ASH1L: variants seen among roughly 807,000 people sequenced by gnomAD.
ASH1L encodes histone-lysine N-methyltransferase ASH1L.
ASH1L carries 23 observed loss-of-function variants against 269.0 expected under a neutral mutation model. The ratio of observed to expected loss-of-function variants is 0.09; its 90% CI spans 0.06 to 0.12. ASH1L has a LOEUF of 0.12. Ranked by LOEUF, ASH1L falls within the 10% of genes least tolerant of loss-of-function variation. ASH1L has a pLI of 1.00. For synonymous variants in ASH1L, 1,187 were observed against 1,253.5 expected (o/e 0.95, Z 1.12); for missense variants, 2,912 against 3,567.8 (o/e 0.82, Z 4.68).
At position 155,547,346 on chromosome 1, in the gene ASH1L, T is replaced by C. The variant is rs572582696; in HGVS notation, c.-100+14807A>G. Among the ~76,000 whole-genome samples, 16 of 151,878 alleles carry C rather than the reference T, an allele frequency of 1.1e-4. No individual in the cohort carries two copies. The East Asian group carries it at 2.7e-3, about 26-fold the overall frequency. The stretch of plus-strand genomic sequence containing the variant: ...GTGTTTCTGTTTACTGCAGCACTAT[T>C]TACAATAGCGAAGACATGGAACCAA... On this transcript the variant is annotated intron_variant, in intron 1 of 27. Coordinates refer to ENST00000392403, the MANE Select transcript of ASH1L (RefSeq NM_018489.3).
At chr1:155,431,069 G>A (rs1054668583) in intron 5 of ASH1L, among the ~76,000 whole-genome samples, 29 of 151,938 alleles carry the variant, frequency 1.9e-4, no homozygotes, top group South Asian at 8.3e-4. Flanking sequence ...AAAATTAGCC[G>A]GGCATGGTGG....
chr1:155,533,711 C>T (rs1421685025), intron 1 of ASH1L, among the ~76,000 whole-genome samples: 2 of 148,590 alleles, frequency 1.3e-5, no homozygotes, highest in Non-Finnish European at 3.0e-5. Flanking sequence ...GAGCGAGACT[C>T]CGTCTCAAAA....
At chr1:155,516,845 A>T (rs571013277) in intron 2 of ASH1L, among the ~76,000 whole-genome samples, 2 of 152,290 alleles carry the variant, frequency 1.3e-5, no homozygotes, top group African/African-American at 4.8e-5. Context: ...AATTTAAAAC[A>T]ATTCTGGTTG....
At chr1:155,497,905 A>C (rs1002700551) in intron 2 of ASH1L, among the ~76,000 whole-genome samples, 4 of 152,132 alleles carry the variant, frequency 2.6e-5, no homozygotes, top group African/African-American at 9.6e-5. Flanking sequence ...GCCTGCCACC[A>C]GGCATGGCTA....
intron 1 of ASH1L, among the ~76,000 whole-genome samples, chr1:155,556,871 T>C (rs72995199): frequency 1.6e-3 from 244 of 152,170 alleles, no homozygotes; most frequent in African/African-American, 5.7e-3. Context: ...TGAGACTCCA[T>C]CGCTACAAAA....
At chr1:155,545,100 A>T (rs1044084573) in intron 1 of ASH1L, among the ~76,000 whole-genome samples, 3 of 134,056 alleles carry the variant, frequency 2.2e-5, no homozygotes, top group African/African-American at 5.5e-5. Context: ...TGAACCCGGG[A>T]GGCAGAGGTT....
intron 2 of ASH1L, among the ~76,000 whole-genome samples, chr1:155,507,110 C>T (rs1667864723): frequency 6.6e-6 from 1 of 151,992 alleles, no homozygotes; most frequent in Admixed American, 6.6e-5. Context: ...TGGAGAAACC[C>T]TGTCTATTAA....
intron 1 of ASH1L, among the ~76,000 whole-genome samples, chr1:155,551,067 C>T (rs891053363): frequency 2.6e-5 from 4 of 152,102 alleles, no homozygotes; most frequent in Admixed American, 1.3e-4. Flanking sequence ...GCAATCCCCC[C>T]ACCTCAGCCT....
chr1:155,434,043 C>A, intron 5 of ASH1L: 1 of 1,591,442 alleles, frequency 6.3e-7, no homozygotes. Flanking sequence ...GGCAAGCAAT[C>A]AAGCAGCGAC....
Position 155,357,403 on chromosome 1 carries a change from T to G in ASH1L, c.6968A>C (p.His2323Pro). ...SKHKLKKRRG[H>P]LSEEPSENIN... The stretch of plus-strand genomic sequence containing the variant: ...ATTTTCACTGGGTTCCTCAGAGAGA[T>G]GGCCTCTCTGAAAAAGAGATGGATC... The change falls in exon 15 of 28, where the codon CAT (histidine) becomes CCT (proline). Residue 2323 changes from histidine (H) to proline (P), a missense_variant. His to Pro is a moderately conservative substitution (Grantham distance 77, BLOSUM62 -2). Around this residue, in one of 13 missense-constraint regions of ASH1L, gnomAD observed 309 missense variants for 435.1 expected, o/e 0.71. Coordinates refer to ENST00000392403, the MANE Select transcript of ASH1L (RefSeq NM_018489.3). 6.2e-7 allele frequency: 1 copy of G among 1,611,534 alleles called. No individual in the cohort carries two copies. The highest frequency in any genetic ancestry group is 2.2e-5 in the East Asian group (1 of 44,876).
intron 6 of ASH1L, among the ~76,000 whole-genome samples, chr1:155,401,477 C>CA (rs545010671): frequency 0.041 from 2,674 of 65,622 alleles, 39 homozygotes; most frequent in Non-Finnish European, 0.052. Context: ...GACTCCATCT[C>CA]AAAAAAAAAA....
At chr1:155,548,530 AG>A (rs1241920695) in intron 1 of ASH1L, among the ~76,000 whole-genome samples, 1 of 152,226 alleles carries the variant, frequency 6.6e-6, no homozygotes, top group East Asian at 1.9e-4. Context: ...ATCAAACAAA[AG>A]AGAGATAAAA....
intron 5 of ASH1L, among the ~76,000 whole-genome samples, chr1:155,428,940 C>G (rs1260206012): frequency 6.6e-6 from 1 of 152,128 alleles, no homozygotes; most frequent in Non-Finnish European, 1.5e-5. Context: ...CTCTATATTT[C>G]TGTGTGTGTG....
chr1:155,375,349 T>C (rs1656343353), intron 10 of ASH1L, among the ~76,000 whole-genome samples: 1 of 152,212 alleles, frequency 6.6e-6, no homozygotes, highest in African/African-American at 2.4e-5. Flanking sequence ...TTAAATTATA[T>C]AAAACCAAAA....
At chr1:155,511,619 C>T (rs1668165940) in intron 2 of ASH1L, among the ~76,000 whole-genome samples, 1 of 152,080 alleles carries the variant, frequency 6.6e-6, no homozygotes, top group South Asian at 2.1e-4. Context: ...GATTCTCCTG[C>T]CTCAGCCTCC....
intron 7 of ASH1L, among the ~76,000 whole-genome samples, chr1:155,380,777 T>C (rs1656868445): frequency 6.6e-6 from 1 of 151,686 alleles, no homozygotes; most frequent in Non-Finnish European, 1.5e-5. Flanking sequence ...ATTACAGGCA[T>C]GTGCTACCAC....
At position 155,438,745 on chromosome 1, in the gene ASH1L, G is replaced by C. The variant is rs1004591937; in HGVS notation, c.5410C>G (p.Gln1804Glu). Reference protein sequence around the residue: ...HIKRSVVEAMQRQARKMCNYD... With the variant: ...HIKRSVVEAMERQARKMCNYD... The stretch of plus-strand genomic sequence containing the variant: ...TTGCACATTTTCCGAGCTTGGCGTT[G>C]CATAGCTTCCACTACACTTCTCTTG... The change falls in exon 5 of 28, where the codon CAA becomes GAA. Residue 1804 changes from glutamine (Q) to glutamate (E), a missense_variant. By Grantham distance (29) the Gln-to-Glu change is conservative (BLOSUM62 2). Around this residue, in one of 13 missense-constraint regions of ASH1L, gnomAD observed 789 missense variants for 897.6 expected, o/e 0.88. Coordinates refer to ENST00000392403, the MANE Select transcript of ASH1L (RefSeq NM_018489.3). 6.2e-7 allele frequency: 1 copy of C among 1,614,132 alleles called. No individual in the cohort carries two copies. Among genetic ancestry groups the C allele is most frequent in the Non-Finnish European group, 8.5e-7 (1 of 1,180,010 alleles).
chr1:155,348,059 C>T lies in ASH1L; in HGVS notation c.7555-155G>A, dbSNP rs191395791. ...AAATATATGGCCAGATAGTTGGTAA[C>T]AACTTAAACTGAACTAAAATGAATT... On this transcript the variant is annotated intron_variant, in intron 19 of 27. Transcript: ENST00000392403. 2.0e-5 allele frequency among the ~76,000 whole-genome samples: 3 copies of T among 152,292 alleles called. No individual in the cohort carries two copies. The East Asian group carries it at 5.8e-4, about 29-fold the overall frequency.
intron 5 of ASH1L, among the ~76,000 whole-genome samples, chr1:155,425,277 GTTTTT>G (rs550440576): frequency 7.7e-6 from 1 of 129,266 alleles, no homozygotes; most frequent in Non-Finnish European, 1.7e-5. Flanking sequence ...GCCCGGCCTA[GTTTTT>G]TTTTTTTTTT....
Sources: gnomAD v4.1 joint callset for allele counts (sites outside exome capture counted in the v4.1 genomes callset) on GRCh38, gnomAD v4.1.1 for gene constraint, gnomAD v4.1.1 regional missense constraint, MANE v1.5 for transcripts, NCBI Gene and HGNC (gene_info 2026-07-23, HGNC 2026-07-21) for gene names.